RNF4: variants seen among roughly 807,000 people sequenced by gnomAD.
The protein encoded by RNF4 is E3 ubiquitin-protein ligase RNF4.
RNF4 carries 7 observed loss-of-function variants against 24.3 expected under a neutral mutation model. That is an observed-to-expected ratio of 0.29 (90% confidence interval 0.16 to 0.54). RNF4 has a LOEUF of 0.54. Ranked by LOEUF, RNF4 falls within the 20% of genes least tolerant of loss-of-function variation. The probability of loss-of-function intolerance (pLI) is 0.95; values close to 1 mark genes in which losing one functional copy is unlikely to be tolerated. For synonymous variants in RNF4, 83 were observed against 84.3 expected (o/e 0.98, Z 0.09); for missense variants, 209 against 248.5 (o/e 0.84, Z 1.07).
chr4:2,478,441 C>T (rs1231647570), intron 1 of RNF4, among the ~76,000 whole-genome samples: 1 of 152,232 alleles, frequency 6.6e-6, no homozygotes, highest in East Asian at 1.9e-4. Context: ...CAGCCCCTCC[C>T]ATCATAGGCC....
chr4:2,497,088 T>C lies in RNF4; in HGVS notation c.91T>C (p.Leu31=). The change falls in exon 3 of 8, where the codon TTG becomes CTG. Residue 31 remains leucine (L), a synonymous_variant. Transcript: ENST00000314289. ...REATSTPEIS[L]EAEPIELVET... ...AGCAACCTCCACCCCCGAGATCTCCTTGGAAGCAGAACCCATAGAACTCGT... is the reference window on the plus strand; with the variant it reads ...AGCAACCTCCACCCCCGAGATCTCCCTGGAAGCAGAACCCATAGAACTCGT... 1.2e-6 allele frequency: 2 copies of C among 1,609,458 alleles called. No homozygotes were observed. The highest frequency in any genetic ancestry group is 1.1e-5 in the South Asian group (1 of 89,840).
chr4:2,496,613 A>C (rs1392077756), intron 2 of RNF4, among the ~76,000 whole-genome samples: 1 of 152,100 alleles, frequency 6.6e-6, no homozygotes, highest in Non-Finnish European at 1.5e-5. Flanking sequence ...GGTGCCTGCC[A>C]CCACGCCCAG....
chr4:2,478,982 G>C (rs746333236), intron 1 of RNF4, among the ~76,000 whole-genome samples: 4 of 152,234 alleles, frequency 2.6e-5, no homozygotes, highest in Non-Finnish European at 4.4e-5. Flanking sequence ...GCTGTACTCT[G>C]CAAAGCCACA....
chr4:2,475,540 G>A (rs1413826465), intron 1 of RNF4, among the ~76,000 whole-genome samples: 1 of 151,984 alleles, frequency 6.6e-6, no homozygotes, highest in East Asian at 1.9e-4. Flanking sequence ...GGGTTTCACC[G>A]TGTTTGCCAG....
intron 4 of RNF4, among the ~76,000 whole-genome samples, chr4:2,506,491 G>A (rs1736104669): frequency 6.6e-6 from 1 of 151,856 alleles, no homozygotes; most frequent in Non-Finnish European, 1.5e-5. Context: ...CTCCTTGGTT[G>A]CTTTTTAACA....
At chr4:2,492,064 TGGC>T (rs1735597749) in intron 2 of RNF4, among the ~76,000 whole-genome samples, 1 of 151,862 alleles carries the variant, frequency 6.6e-6, no homozygotes, top group African/African-American at 2.4e-5. Context: ...CAGGCATAGT[TGGC>T]GGGCGCCTGT....
In RNF4 at chr4:2,512,080, A is replaced by G. The variant is rs1037779110; in HGVS notation, c.214+115A>G. On this transcript the variant is annotated intron_variant, in intron 5 of 7. Coordinates refer to ENST00000314289, the MANE Select transcript of RNF4 (RefSeq NM_002938.5). This position sits in a 1 kb window ranked among gnomAD's most constrained non-coding sequence, Gnocchi z 4.1. ...CCCAAGGGCTTGGAGCGCTCCAAGC[A>G]GGAAGATGCCTTCGCAGATGCTGTG... 2.1e-6 allele frequency: 2 copies of G among 939,184 alleles called. No individual in the cohort carries two copies. Among genetic ancestry groups the G allele is most frequent in the Non-Finnish European group, 3.3e-6 (2 of 612,482 alleles). 58.2% of individuals were successfully genotyped at this position (939,184 alleles called of 1,614,324 possible).
intron 4 of RNF4, among the ~76,000 whole-genome samples, chr4:2,507,373 G>T (rs1207699476): frequency 1.3e-5 from 2 of 152,152 alleles, no homozygotes; most frequent in Non-Finnish European, 2.9e-5. Context: ...AGATGGGTTG[G>T]CTACTCAACT....
In RNF4 at chr4:2,513,798, G is replaced by C; in HGVS notation, c.552G>C (p.Arg184=). ...PTCRKKINHK[R]YHPIYI ...GTAGGAAAAAGATCAACCACAAACG[G>C]TACCACCCCATTTATATATGAAGTA... The change falls in exon 8 of 8, where the codon CGG becomes CGC. Residue 184 remains arginine, a synonymous_variant. Transcript: ENST00000314289. 1 of 1,613,860 alleles carries C rather than the reference G, an allele frequency of 6.2e-7. No homozygotes were observed. Among genetic ancestry groups the C allele is most frequent in the Non-Finnish European group, 8.5e-7 (1 of 1,179,902 alleles).
intron 1 of RNF4, among the ~76,000 whole-genome samples, chr4:2,477,847 A>G (rs1193674156): frequency 6.6e-6 from 1 of 152,194 alleles, no homozygotes; most frequent in Non-Finnish European, 1.5e-5. Context: ...TGCTGCTGAA[A>G]AGATACCTGA....
In RNF4 at chr4:2,509,576, C is replaced by T. The variant is rs923138330; in HGVS notation, c.205-2380C>T. 4.6e-5 allele frequency among the ~76,000 whole-genome samples: 7 copies of T among 152,062 alleles called. No homozygotes were observed. In the East Asian group the frequency reaches 5.8e-4, roughly 13 times the overall value. On this transcript the variant is annotated intron_variant, in intron 4 of 7. Transcript: ENST00000314289. ...GAAGCTGTTTTTCTCTCATTAAAAG[C>T]GGGGACAGTCAGAATTGTTACCAGT...
At position 2,491,994 on chromosome 4, in the gene RNF4, C is replaced by G. The variant is rs568004653; in HGVS notation, c.9+1492C>G. ...TGGGCGGATCACGAGGTCAGGAGAT[C>G]AAGACCATCCTGGCTAACACGGTGA... On this transcript the variant is annotated intron_variant, in intron 2 of 7. Coordinates refer to ENST00000314289, the MANE Select transcript of RNF4 (RefSeq NM_002938.5). 2.0e-5 allele frequency among the ~76,000 whole-genome samples: 3 copies of G among 151,776 alleles called. No individual in the cohort carries two copies. In the East Asian group the frequency reaches 5.9e-4, roughly 30 times the overall value.
chr4:2,512,282 G>T lies in RNF4; in HGVS notation c.215-156G>T. The T allele has an allele frequency of 1.1e-6, 1 of 913,118 alleles. No homozygotes were observed. Among genetic ancestry groups the T allele is most frequent in the Non-Finnish European group, 1.7e-6 (1 of 586,190 alleles). 56.6% of individuals were successfully genotyped at this position (913,118 alleles called of 1,614,324 possible). A position where few individuals can be genotyped will look rare whatever the true frequency, so the allele number is the denominator to read the frequency against. On this transcript the variant is annotated intron_variant, in intron 5 of 7. Coordinates refer to ENST00000314289, the MANE Select transcript of RNF4 (RefSeq NM_002938.5). This position sits in a 1 kb window ranked among gnomAD's most constrained non-coding sequence, Gnocchi z 4.1. Reference sequence around the variant, plus strand: ...ATAAGATAGTGGCCTCCAGAGCTGGGCAGAACCTTCTGGGTTATAGCTGAG... The same window carrying T: ...ATAAGATAGTGGCCTCCAGAGCTGGTCAGAACCTTCTGGGTTATAGCTGAG...
At chr4:2,477,853 C>T (rs1248133354) in intron 1 of RNF4, among the ~76,000 whole-genome samples, 2 of 152,072 alleles carry the variant, frequency 1.3e-5, no homozygotes, top group Non-Finnish European at 2.9e-5. Flanking sequence ...TGAAAAGATA[C>T]CTGAAAATTT....
chr4:2,479,736 C>G (rs545937280), intron 1 of RNF4: 1 of 152,362 alleles, frequency 6.6e-6, no homozygotes, highest in South Asian at 2.1e-4. Context: ...CGGACTAATA[C>G]AGGTGCACAC....
Position 2,499,381 on chromosome 4 carries a change from A to G in RNF4, c.125-1278A>G, listed in dbSNP as rs185647646. Reference sequence around the variant, plus strand: ...ATCTTTGCATCCCGGGGTTCAAGCAATTCTCCTGCCTCAGCCTCCCGAGTA... The same window carrying G: ...ATCTTTGCATCCCGGGGTTCAAGCAGTTCTCCTGCCTCAGCCTCCCGAGTA... On this transcript the variant is annotated intron_variant, in intron 3 of 7. Coordinates refer to ENST00000314289, the MANE Select transcript of RNF4 (RefSeq NM_002938.5). The G allele has an allele frequency of 1.8e-3, 765 of 425,032 alleles. 4 individuals are homozygous for G. The highest frequency in any genetic ancestry group is 3.0e-3 in the Middle Eastern group (4 of 1,332). 26.3% of individuals were successfully genotyped at this position (425,032 alleles called of 1,614,324 possible).
intron 3 of RNF4, 137 bp from the exon 4 acceptor site, chr4:2,500,522 G>A (rs1367284957): frequency 5.1e-6 from 4 of 791,020 alleles, no homozygotes; most frequent in Admixed American, 2.3e-5. Context: ...TGGTCCTGGT[G>A]CTCTTTGCAG....
At chr4:2,505,483 A>ATG (rs1736060367) in intron 4 of RNF4, 5 of 151,032 alleles carry the variant, frequency 3.3e-5, no homozygotes, top group African/African-American at 1.2e-4. Flanking sequence ...CCGCCACCAC[A>ATG]CCCGGCTAAT....
chr4:2,479,293 G>GTTAA lies in RNF4; in HGVS notation c.-158+10037_-158+10040dup, dbSNP rs575890754. 2.6e-3 allele frequency among the ~76,000 whole-genome samples: 399 copies of GTTAA among 152,292 alleles called. 10 individuals carry two copies. Among genetic ancestry groups the GTTAA allele is most frequent in the Admixed American group, 0.025 (377 of 15,294 alleles). The stretch of plus-strand genomic sequence containing the variant: ...CTCGGATGAGACTTTGGACTTTTGA[G>GTTAA]TTAATGCTGAAATGAGTTAAGACTT... On this transcript the variant is annotated intron_variant, in intron 1 of 7. Coordinates refer to ENST00000314289, the MANE Select transcript of RNF4 (RefSeq NM_002938.5).
Sources: gnomAD v4.1 joint callset for allele counts (sites outside exome capture counted in the v4.1 genomes callset) on GRCh38, gnomAD v4.1.1 for gene constraint, Gnocchi (gnomAD v3.1) non-coding constraint, MANE v1.5 for transcripts, NCBI Gene and HGNC (gene_info 2026-07-23, HGNC 2026-07-21) for gene names.